CHEK2: variants seen among roughly 807,000 people sequenced by gnomAD.
CHEK2 encodes checkpoint kinase 2, also known as serine/threonine-protein kinase Chk2.
Under a neutral mutation model 69.1 loss-of-function variants are expected in CHEK2, and 71 were observed. The ratio of observed to expected loss-of-function variants is 1.03; its 90% CI spans 0.85 to 1.25. CHEK2 has a LOEUF of 1.25. Ranked by LOEUF, CHEK2 falls within the 50% of genes most tolerant of loss-of-function variation. The pLI, the probability that CHEK2 is intolerant of heterozygous loss-of-function variation, is 0.00. For missense variants in CHEK2, 664 were observed against 649.6 expected (o/e 1.02, Z -0.24); for synonymous variants, 189 against 226.9 (o/e 0.83, Z 1.50).
intron 5 of CHEK2, among the ~76,000 whole-genome samples, chr22:28,715,630 G>A (rs1020365318): frequency 3.3e-5 from 5 of 151,872 alleles, no homozygotes; most frequent in African/African-American, 7.3e-5. Flanking sequence ...GTGTCAGCCC[G>A]GCTGGTCTCA....
intron 2 of CHEK2, among the ~76,000 whole-genome samples, chr22:28,727,461 C>T (rs563013078): frequency 6.6e-6 from 1 of 152,246 alleles, no homozygotes; most frequent in East Asian, 1.9e-4. Flanking sequence ...ATTTTCTCCC[C>T]ACCTCCCTGC....
At chr22:28,698,928 A>T (rs1324203416) in intron 9 of CHEK2, among the ~76,000 whole-genome samples, 4 of 152,256 alleles carry the variant, frequency 2.6e-5, no homozygotes, top group African/African-American at 9.6e-5. Context: ...TTCTACAAGG[A>T]TCAAGCAGAA....
At position 28,719,385 on chromosome 22, in the gene CHEK2, A is replaced by G. The variant is rs747427230; in HGVS notation, c.683+10T>C. The stretch of plus-strand genomic sequence containing the variant: ...AAAATTAAGTGCATTTATATAAGAA[A>G]ATAATTTACCTTCCAAGAGTTTTTG... On this transcript the variant is annotated intron_variant, in intron 5 of 14. Coordinates refer to ENST00000404276, the MANE Select transcript of CHEK2 (RefSeq NM_007194.4). The G allele has an allele frequency of 4.0e-6, 6 of 1,504,574 alleles. No individual in the cohort carries two copies. In the East Asian group the frequency reaches 1.4e-4, roughly 34 times the overall value. The allele number at this position is 1,504,574 out of a possible 1,614,324, so 93.2% of individuals were successfully genotyped here.
rs760398606 is a variant in CHEK2 at position 28,703,576 on chromosome 22, G to GGGGGAGAAAAAAGGGAAAGT, written c.847-30_847-11dup. The GGGGGAGAAAAAAGGGAAAGT allele has an allele frequency of 1.5e-5, 23 of 1,543,114 alleles. No individual in the cohort carries two copies. In the South Asian group the frequency reaches 2.5e-4, roughly 17 times the overall value. On this transcript the variant is annotated splice_polypyrimidine_tract_variant and intron_variant, in intron 7 of 14. Coordinates refer to ENST00000404276, the MANE Select transcript of CHEK2 (RefSeq NM_007194.4). ...TCTTGATGATGCAAGGCTAAGAAGA[G>GGGGGAGAAAAAAGGGAAAGT]GGGGAGAAAAAAGGGAAAGTAGTGA... is the stretch of plus-strand genomic sequence containing the variant.
At chr22:28,714,634 A>C (rs1441438166) in intron 5 of CHEK2, among the ~76,000 whole-genome samples, 1 of 151,996 alleles carries the variant, frequency 6.6e-6, no homozygotes, top group African/African-American at 2.4e-5. Context: ...AAAGTTTTTA[A>C]TTTTGATTAA....
intron 2 of CHEK2, among the ~76,000 whole-genome samples, chr22:28,727,571 T>C (rs771653800): frequency 9.2e-5 from 14 of 152,138 alleles, no homozygotes; most frequent in South Asian, 8.3e-4. Context: ...TAAATGTTCA[T>C]TGCAAGGCAG....
chr22:28,732,322 G>C (rs1457521972), intron 2 of CHEK2, among the ~76,000 whole-genome samples: 3 of 152,092 alleles, frequency 2.0e-5, no homozygotes, highest in African/African-American at 7.2e-5. Flanking sequence ...TGTTGGTCAG[G>C]CTGGTCTCGA....
chr22:28,733,059 T>C (rs1031899449), intron 2 of CHEK2, among the ~76,000 whole-genome samples: 1 of 152,220 alleles, frequency 6.6e-6, no homozygotes, highest in Non-Finnish European at 1.5e-5. Context: ...CCCAAAGTGC[T>C]GGGATTACAG....
At chr22:28,708,524 T>C (rs765522559) in intron 7 of CHEK2, among the ~76,000 whole-genome samples, 8 of 151,946 alleles carry the variant, frequency 5.3e-5, no homozygotes, top group Non-Finnish European at 1.2e-4. Context: ...CTCATAGGTT[T>C]TCAGGTCCAC....
At chr22:28,708,137 C>A (rs551464668) in intron 7 of CHEK2, among the ~76,000 whole-genome samples, 1 of 152,176 alleles carries the variant, frequency 6.6e-6, no homozygotes, top group African/African-American at 2.4e-5. Flanking sequence ...CCGCGCCCAC[C>A]GCATTTGTGT....
At chr22:28,708,363 A>ATGTGTGTGTGTG (rs10694007) in intron 7 of CHEK2, among the ~76,000 whole-genome samples, 4,667 of 139,608 alleles carry the variant, frequency 0.033, 80 homozygotes, top group African/African-American at 0.039. Context: ...CTCTAAAAAT[A>ATGTGTGTGTGTG]TGTGTGTGTG....
At chr22:28,704,475 G>A (rs989285102) in intron 7 of CHEK2, among the ~76,000 whole-genome samples, 1 of 151,822 alleles carries the variant, frequency 6.6e-6, no homozygotes, top group Non-Finnish European at 1.5e-5. Flanking sequence ...TGGGACTACA[G>A]GCGTGCACCA....
chr22:28,723,517 G>A (rs889194803), intron 4 of CHEK2, among the ~76,000 whole-genome samples: 30 of 145,076 alleles, frequency 2.1e-4, no homozygotes, highest in African/African-American at 7.7e-4. Flanking sequence ...AGAATGGCGT[G>A]AACCCGGGAG....
At chr22:28,728,173 TCAA>T (rs1465098114) in intron 2 of CHEK2, 1 of 151,462 alleles carries the variant, frequency 6.6e-6, no homozygotes, top group Non-Finnish European at 1.5e-5. Context: ...GTTAAAAAGA[TCAA>T]CAAGTTGGCA....
At chr22:28,702,584 T>A (rs1290553563) in intron 8 of CHEK2, among the ~76,000 whole-genome samples, 1 of 142,986 alleles carries the variant, frequency 7.0e-6, no homozygotes, top group East Asian at 2.1e-4. Flanking sequence ...TCTCACTCTG[T>A]GGCCCAGGCT....
chr22:28,689,478 T>G (rs1200098682), intron 13 of CHEK2: 2 of 433,510 alleles, frequency 4.6e-6, no homozygotes, highest in African/African-American at 4.1e-5. Flanking sequence ...AATCACAGCC[T>G]CCAGCAGTCA....
chr22:28,723,926 A>G (rs535754670), intron 4 of CHEK2, among the ~76,000 whole-genome samples: 77 of 152,116 alleles, frequency 5.1e-4, no homozygotes, highest in Non-Finnish European at 9.1e-4. Context: ...ACAGAGTGAG[A>G]CCATGTCTCG....
intron 7 of CHEK2, among the ~76,000 whole-genome samples, chr22:28,705,346 G>A (rs1384721195): frequency 6.6e-6 from 1 of 151,888 alleles, no homozygotes; most frequent in Non-Finnish European, 1.5e-5. Context: ...CAAAGTGTTG[G>A]GATTACAGGT....
chr22:28,716,046 T>A (rs985726408), intron 5 of CHEK2, among the ~76,000 whole-genome samples: 3 of 151,978 alleles, frequency 2.0e-5, no homozygotes, highest in Admixed American at 6.6e-5. Context: ...TTTCTATTTT[T>A]TCTAGAGACA....
Sources: gnomAD v4.1 joint callset for allele counts (sites outside exome capture counted in the v4.1 genomes callset) on GRCh38, gnomAD v4.1.1 for gene constraint, MANE v1.5 for transcripts, NCBI Gene and HGNC (gene_info 2026-07-23, HGNC 2026-07-21) for gene names.